The following SGMS1 variants were observed in gnomAD, a reference collection of about 807,000 sequenced individuals.
The protein encoded by SGMS1 is phosphatidylcholine:ceramide cholinephosphotransferase 1.
SGMS1 carries 13 observed loss-of-function variants against 46.2 expected under a neutral mutation model. The ratio of observed to expected loss-of-function variants is 0.28; its 90% CI spans 0.18 to 0.45. The LOEUF (loss-of-function observed/expected upper bound fraction) is 0.45. Ranked by LOEUF, SGMS1 falls within the 20% of genes least tolerant of loss-of-function variation. SGMS1 has a pLI of 1.00. For synonymous variants in SGMS1, 203 were observed against 187.8 expected (o/e 1.08, Z -0.66); for missense variants, 324 against 519.9 (o/e 0.62, Z 3.66).
chr10:50,364,211 C>G (rs1249910878), intron 6 of SGMS1, among the ~76,000 whole-genome samples: 3 of 150,896 alleles, frequency 2.0e-5, no homozygotes, highest in South Asian at 4.2e-4. Flanking sequence ...TCAAGAAAAT[C>G]CAAGAAAAAA....
At chr10:50,372,477 G>A (rs577524022) in intron 6 of SGMS1, among the ~76,000 whole-genome samples, 8 of 152,212 alleles carry the variant, frequency 5.3e-5, no homozygotes, top group African/African-American at 1.2e-4. Flanking sequence ...GGTGGATCAC[G>A]AGGTCAGGAG....
chr10:50,398,433 T>TA (rs564178873), intron 6 of SGMS1, among the ~76,000 whole-genome samples: 141 of 152,324 alleles, frequency 9.3e-4, no homozygotes, highest in African/African-American at 2.9e-3. Flanking sequence ...AATAATATTT[T>TA]AAAAATTATT....
chr10:50,492,352 G>C (rs1011160780), intron 3 of SGMS1, among the ~76,000 whole-genome samples: 3 of 151,992 alleles, frequency 2.0e-5, no homozygotes, highest in African/African-American at 2.4e-5. Context: ...AATGCGAAGA[G>C]AGTCAGTCAA....
In SGMS1 at chr10:50,374,447, C is replaced by T. The variant is rs116825989; in HGVS notation, c.-231-30102G>A. 8.7e-3 allele frequency among the ~76,000 whole-genome samples: 1,309 copies of T among 150,658 alleles called. 22 individuals carry two copies. The highest frequency in any genetic ancestry group is 0.031 in the African/African-American group (1,250 of 40,690). ...ATCTGTGCTCCCCCCACCCCCACCC[C>T]CATTATCTAATCTATTAGAGCAATC... On this transcript the variant is annotated intron_variant, in intron 6 of 10. Transcript: ENST00000361781.
At chr10:50,309,209 G>C (rs1847218749) in intron 9 of SGMS1, among the ~76,000 whole-genome samples, 1 of 151,854 alleles carries the variant, frequency 6.6e-6, no homozygotes, top group African/African-American at 2.4e-5. Context: ...GAGCAGTTAG[G>C]GTAGGAATAT....
intron 2 of SGMS1, among the ~76,000 whole-genome samples, chr10:50,544,154 G>A (rs1838079706): frequency 6.6e-6 from 1 of 152,180 alleles, no homozygotes; most frequent in Non-Finnish European, 1.5e-5. Context: ...ACCATATCAG[G>A]TGACAGCTAC....
chr10:50,602,211 G>C (rs1838655693), intron 1 of SGMS1, among the ~76,000 whole-genome samples: 2 of 152,148 alleles, frequency 1.3e-5, no homozygotes, highest in Non-Finnish European at 2.9e-5. Context: ...CAATGATCCT[G>C]TCAGCCTAGA....
chr10:50,568,456 ATG>A (rs1394667917), intron 2 of SGMS1, among the ~76,000 whole-genome samples: 4 of 152,206 alleles, frequency 2.6e-5, no homozygotes, highest in African/African-American at 9.7e-5. Context: ...TTCCTTCACT[ATG>A]TCTAAGCCCA....
intron 5 of SGMS1, among the ~76,000 whole-genome samples, chr10:50,452,824 C>T (rs1191278221): frequency 3.3e-5 from 5 of 152,116 alleles, no homozygotes; most frequent in Admixed American, 2.0e-4. Flanking sequence ...CTTTTTTAAC[C>T]GTAGCATCTT....
chr10:50,527,506 T>C (rs1204261396), intron 2 of SGMS1, among the ~76,000 whole-genome samples: 1 of 152,210 alleles, frequency 6.6e-6, no homozygotes, highest in Non-Finnish European at 1.5e-5. Flanking sequence ...TTGGCAGAGC[T>C]GAGATTCAGC....
Position 50,464,535 on chromosome 10 carries a change from T to C in SGMS1, c.-455+2355A>G, listed in dbSNP as rs375684812. ...GCAACCTCTGCCTCCAGGGTTCAAA[T>C]GATTCTCATGCCTCAGCCTCCTGAG... On this transcript the variant is annotated intron_variant, in intron 4 of 10. Transcript: ENST00000361781. 1.1e-3 allele frequency among the ~76,000 whole-genome samples: 169 copies of C among 152,304 alleles called. 2 individuals carry two copies. Among genetic ancestry groups the C allele is most frequent in the African/African-American group, 3.9e-3 (163 of 41,582 alleles).
chr10:50,595,766 A>G (rs1342403711), intron 1 of SGMS1, among the ~76,000 whole-genome samples: 2 of 152,130 alleles, frequency 1.3e-5, no homozygotes, highest in Non-Finnish European at 2.9e-5. Flanking sequence ...CAGATGCCAT[A>G]TTGGGGGAAG....
chr10:50,456,931 CAA>C (rs1247068406), intron 5 of SGMS1, among the ~76,000 whole-genome samples: 1 of 152,182 alleles, frequency 6.6e-6, no homozygotes, highest in African/African-American at 2.4e-5. Context: ...TGGGAAACTT[CAA>C]GTCAGGTTCA....
intron 2 of SGMS1, among the ~76,000 whole-genome samples, chr10:50,522,105 C>T (rs1837862164): frequency 6.6e-6 from 1 of 152,112 alleles, no homozygotes; most frequent in Admixed American, 6.6e-5. Flanking sequence ...CATTACTCAG[C>T]ATTATACATT....
intron 2 of SGMS1, among the ~76,000 whole-genome samples, chr10:50,583,485 A>G (rs3920545): frequency 6.6e-6 from 1 of 151,958 alleles, no homozygotes; most frequent in Non-Finnish European, 1.5e-5. Flanking sequence ...GCTATCCAAT[A>G]GGAATAGGCC....
chr10:50,309,635 C>T (rs991550810), intron 9 of SGMS1, among the ~76,000 whole-genome samples: 5 of 152,282 alleles, frequency 3.3e-5, no homozygotes, highest in African/African-American at 1.2e-4. Flanking sequence ...CTAGATTATG[C>T]CCTGACAATT....
chr10:50,456,497 C>T (rs963396899), intron 5 of SGMS1, among the ~76,000 whole-genome samples: 1 of 152,170 alleles, frequency 6.6e-6, no homozygotes, highest in African/African-American at 2.4e-5. Context: ...GGAGCCTTTT[C>T]TGAGTAGAGT....
intron 1 of SGMS1, among the ~76,000 whole-genome samples, chr10:50,611,869 G>A (rs1838752944): frequency 6.6e-6 from 1 of 152,042 alleles, no homozygotes; most frequent in Non-Finnish European, 1.5e-5. Flanking sequence ...CAGACACACT[G>A]GCACCCCCCA....
chr10:50,422,682 A>G (rs1181325666), intron 6 of SGMS1, among the ~76,000 whole-genome samples: 1 of 152,194 alleles, frequency 6.6e-6, no homozygotes, highest in Non-Finnish European at 1.5e-5. Flanking sequence ...ACAAACATCT[A>G]TTTACCAACA....
Sources: allele counts gnomAD v4.1 joint callset (sites outside exome capture counted in the v4.1 genomes callset), GRCh38; gene constraint gnomAD v4.1.1; transcripts MANE v1.5; gene names NCBI Gene and HGNC (gene_info 2026-07-23, HGNC 2026-07-21).